The following WWOX variants were observed in gnomAD, a reference collection of about 807,000 sequenced individuals.
WWOX encodes WW domain-containing oxidoreductase.
A neutral mutation model predicts 46.2 loss-of-function variants in WWOX; 69 were observed. The ratio of observed to expected loss-of-function variants is 1.49; its 90% CI spans 1.23 to 1.82. WWOX has a LOEUF of 1.82. Among genes scored for constraint, WWOX ranks in the 40% most tolerant of loss-of-function variants. The pLI, the probability that WWOX is intolerant of heterozygous loss-of-function variation, is 0.00. For missense variants in WWOX, 919 were observed against 542.6 expected (o/e 1.69, Z -6.89); for synonymous variants, 359 against 202.6 (o/e 1.77, Z -6.56).
intron 8 of WWOX, among the ~76,000 whole-genome samples, chr16:78,882,852 G>A (rs1056252746): frequency 4.1e-4 from 62 of 151,164 alleles, no homozygotes; most frequent in African/African-American, 1.5e-3. Context: ...GGGCATTAAT[G>A]CATTTAGCAA....
chr16:78,934,508 CAAAAAA>C (rs760272326), intron 8 of WWOX, among the ~76,000 whole-genome samples: 9 of 73,924 alleles, frequency 1.2e-4, no homozygotes, highest in South Asian at 6.0e-4. Flanking sequence ...AACCCTGTAT[CAAAAAA>C]AAAAAAAAAA....
At chr16:78,855,240 A>T (rs1326885447) in intron 8 of WWOX, among the ~76,000 whole-genome samples, 1 of 152,214 alleles carries the variant, frequency 6.6e-6, no homozygotes, top group Non-Finnish European at 1.5e-5. Context: ...GTACTTAATG[A>T]TTAAAAACCA....
intron 8 of WWOX, among the ~76,000 whole-genome samples, chr16:79,100,803 C>T (rs1169588788): frequency 6.6e-6 from 1 of 152,056 alleles, no homozygotes; most frequent in Non-Finnish European, 1.5e-5. Context: ...ACATACAATG[C>T]ATTTTCCAGT....
intron 1 of WWOX, among the ~76,000 whole-genome samples, chr16:78,104,272 T>A (rs1010421311): frequency 2.1e-3 from 130 of 63,352 alleles, no homozygotes; most frequent in Admixed American, 3.2e-3. Flanking sequence ...ACACACACAC[T>A]GGCTGTCCTC....
intron 8 of WWOX, among the ~76,000 whole-genome samples, chr16:79,114,671 GC>G (rs2049478927): frequency 1.3e-5 from 2 of 152,190 alleles, no homozygotes; most frequent in South Asian, 4.1e-4. Context: ...ATTGTTTCAA[GC>G]CACCTAGTTT....
At chr16:79,164,178 A>G (rs1197508424) in intron 8 of WWOX, among the ~76,000 whole-genome samples, 3 of 152,186 alleles carry the variant, frequency 2.0e-5, no homozygotes, top group Non-Finnish European at 4.4e-5. Flanking sequence ...ATAAATCAAT[A>G]CTTTCATGTC....
In WWOX at chr16:78,576,373, C is replaced by T. The variant is rs559942584; in HGVS notation, c.1056+143621C>T. On this transcript the variant is annotated intron_variant, in intron 8 of 8. Transcript: ENST00000566780. Reference sequence around the variant, plus strand: ...GAAGTTCACCTCCCAAAAGACATAGCTTGGTTTAGCATAGAGCTATGATGT... The same window carrying T: ...GAAGTTCACCTCCCAAAAGACATAGTTTGGTTTAGCATAGAGCTATGATGT... 3.3e-5 allele frequency among the ~76,000 whole-genome samples: 5 copies of T among 152,284 alleles called. No individual in the cohort carries two copies. In the East Asian group the frequency reaches 9.7e-4, roughly 29 times the overall value.
At chr16:78,418,026 C>T (rs1241671072) in intron 6 of WWOX, among the ~76,000 whole-genome samples, 1 of 152,136 alleles carries the variant, frequency 6.6e-6, no homozygotes, top group African/African-American at 2.4e-5. Flanking sequence ...ATACGTTTTT[C>T]TAGTTAAAAA....
intron 6 of WWOX, among the ~76,000 whole-genome samples, chr16:78,412,716 T>A (rs1205191180): frequency 6.6e-6 from 1 of 152,126 alleles, no homozygotes; most frequent in Non-Finnish European, 1.5e-5. Context: ...ATTTATTGAT[T>A]GAGAAGCCAC....
At chr16:78,315,794 C>G (rs1411274938) in intron 5 of WWOX, among the ~76,000 whole-genome samples, 2 of 151,924 alleles carry the variant, frequency 1.3e-5, no homozygotes, top group Non-Finnish European at 1.5e-5. Context: ...AGATGGGTAA[C>G]TCAGGTAGAA....
In WWOX at chr16:78,763,868, G is replaced by T. The variant is rs1349849258; in HGVS notation, c.1056+331116G>T. ...TTTCTAATTGCCCTGCAGAGTTTTT[G>T]GGGAGTCTGTATGCAATTGTGTACA... On this transcript the variant is annotated intron_variant, in intron 8 of 8. Transcript: ENST00000566780. Among the ~76,000 whole-genome samples the T allele has an allele frequency of 3.9e-5, 6 of 152,242 alleles. No homozygotes were observed. The East Asian group carries it at 1.2e-3, about 29-fold the overall frequency.
At chr16:79,074,984 C>G (rs75052689) in intron 8 of WWOX, among the ~76,000 whole-genome samples, 1 of 152,164 alleles carries the variant, frequency 6.6e-6, no homozygotes, top group Non-Finnish European at 1.5e-5. Context: ...CTCTCAACTT[C>G]TACACATTCG....
chr16:79,202,820 C>G (rs1355233235), intron 8 of WWOX: 1 of 152,146 alleles, frequency 6.6e-6, no homozygotes, highest in Non-Finnish European at 1.5e-5. Flanking sequence ...CAGTTATTTA[C>G]AGTCTACATA....
intron 8 of WWOX, among the ~76,000 whole-genome samples, chr16:78,792,536 G>A (rs1318569771): frequency 2.0e-5 from 3 of 152,118 alleles, no homozygotes; most frequent in Non-Finnish European, 4.4e-5. Flanking sequence ...ATGGATAAGG[G>A]GTTCGTAAAA....
intron 4 of WWOX, among the ~76,000 whole-genome samples, chr16:78,127,438 C>T (rs1384017446): frequency 2.7e-5 from 4 of 148,252 alleles, no homozygotes; most frequent in African/African-American, 1.0e-4. Context: ...ACTGGCTTGT[C>T]TTTGGTATGA....
At chr16:78,759,994 T>C (rs538480974) in intron 8 of WWOX, among the ~76,000 whole-genome samples, 7 of 152,300 alleles carry the variant, frequency 4.6e-5, no homozygotes, top group Admixed American at 4.6e-4. Flanking sequence ...ACCCTTTTAA[T>C]TGCATTAGGC....
chr16:79,126,770 C>T (rs190241711), intron 8 of WWOX, among the ~76,000 whole-genome samples: 2 of 152,118 alleles, frequency 1.3e-5, no homozygotes, highest in East Asian at 1.9e-4. Flanking sequence ...ATTTAGACTC[C>T]AGCCTACATA....
intron 8 of WWOX, among the ~76,000 whole-genome samples, chr16:79,035,785 A>T (rs1433712320): frequency 6.6e-6 from 1 of 151,972 alleles, no homozygotes; most frequent in Non-Finnish European, 1.5e-5. Context: ...GTGTTCCAAG[A>T]ACAAAAGGCC....
At chr16:78,929,231 G>T (rs949405456) in intron 8 of WWOX, among the ~76,000 whole-genome samples, 1 of 150,728 alleles carries the variant, frequency 6.6e-6, no homozygotes, top group African/African-American at 2.5e-5. Context: ...AGTTCTGTTG[G>T]GCTTTTATGT....
Sources: allele counts gnomAD v4.1 joint callset (sites outside exome capture counted in the v4.1 genomes callset), GRCh38; gene constraint gnomAD v4.1.1; transcripts MANE v1.5; gene names NCBI Gene and HGNC (gene_info 2026-07-23, HGNC 2026-07-21).